The following WDR81 variants were observed in gnomAD, a reference collection of about 807,000 sequenced individuals.
WDR81 encodes the protein WD repeat-containing protein 81.
WDR81 carries 92 observed loss-of-function variants against 140.8 expected under a neutral mutation model. The ratio of observed to expected loss-of-function variants is 0.65; its 90% CI spans 0.55 to 0.78. WDR81 has a LOEUF of 0.78. WDR81 is among the 30% of genes least tolerant of loss of function. The pLI is 0.00. For synonymous variants in WDR81, 1,183 were observed against 1,156.4 expected (o/e 1.02, Z -0.47); for missense variants, 2,502 against 2,636.4 (o/e 0.95, Z 1.12).
At chr17:1,719,025 C>A (rs1233332780) in intron 1 of WDR81, among the ~76,000 whole-genome samples, 1 of 152,154 alleles carries the variant, frequency 6.6e-6, no homozygotes, top group Non-Finnish European at 1.5e-5. Context: ...CCACCCACCC[C>A]CAGCTCCCAG....
chr17:1,717,952 C>T (rs1044163039), intron 1 of WDR81, among the ~76,000 whole-genome samples: 1 of 152,056 alleles, frequency 6.6e-6, no homozygotes, highest in Non-Finnish European at 1.5e-5. Context: ...AGGACCAAGC[C>T]TGGGGAGGAG....
In WDR81 at chr17:1,726,232, G is replaced by A. The variant is rs1321093207; in HGVS notation, c.1273G>A (p.Val425Ile). Residue 425 changes from valine (V) to isoleucine (I), a missense_variant, in exon 1 of 10, where the codon GTA (valine) becomes ATA (isoleucine). By Grantham distance (29) the Val-to-Ile change is conservative. Around this residue, in one of 3 missense-constraint regions of WDR81, gnomAD observed 218 missense variants for 279.6 expected, o/e 0.78. Coordinates refer to ENST00000409644, the MANE Select transcript of WDR81 (RefSeq NM_001163809.2). ...FTYEMTRQAF[V>I]AGGAGGGEPP... ...GTATGAGATGACACGGCAGGCATTC[G>A]TAGCAGGCGGGGCGGGCGGCGGGGA... 5.9e-6 allele frequency: 9 copies of A among 1,537,166 alleles called. No homozygotes were observed. The highest frequency in any genetic ancestry group is 2.0e-5 in the Admixed American group (1 of 50,152).
intron 1 of WDR81, 150 bp from the exon 2 acceptor site, chr17:1,730,230 G>A (rs567143478): frequency 1.6e-5 from 10 of 630,224 alleles, no homozygotes; most frequent in East Asian, 8.5e-5. Context: ...CCGCTGTTAC[G>A]TGGAGGGGGT....
Position 1,728,073 on chromosome 17 carries a change from G to T in WDR81, c.3114G>T (p.Gly1038=). ...AGGAGGAGGAGAGCGGGCTGCCCGG[G>T]GCCGGGCCTGGCTCCTGTGCTTTTG... ...AAEEEESGLP[G]AGPGSCAFGE... The change falls in exon 1 of 10, where the codon GGG becomes GGT. Residue 1038 remains glycine (G), a synonymous_variant. Coordinates refer to ENST00000409644, the MANE Select transcript of WDR81 (RefSeq NM_001163809.2). 1.9e-6 allele frequency: 3 copies of T among 1,586,670 alleles called. No individual in the cohort carries two copies. The highest frequency in any genetic ancestry group is 2.3e-5 in the South Asian group (2 of 88,078).
intron 5 of WDR81, 30 bp from the exon 6 acceptor site, chr17:1,732,636 C>T (rs761380795): frequency 2.4e-5 from 38 of 1,581,354 alleles, no homozygotes; most frequent in Non-Finnish European, 2.9e-5. Flanking sequence ...GCTGTGGACC[C>T]GGCTGACCCC....
In WDR81 at chr17:1,725,267, C is replaced by T. The variant is rs776046419; in HGVS notation, c.308C>T (p.Thr103Met). Residue 103 changes from threonine to methionine, a missense_variant, in exon 1 of 10, where the codon ACG (threonine) becomes ATG (methionine). Physicochemically the swap from Thr to Met is moderately conservative, Grantham distance 81 (BLOSUM62 -1). This residue lies in a region of WDR81 where 547 missense variants were observed against 513.8 expected (regional missense o/e 1.06). Coordinates refer to ENST00000409644, the MANE Select transcript of WDR81 (RefSeq NM_001163809.2). ...RSVQRLPAGW[T>M]RVEVHGLRKR... The stretch of plus-strand genomic sequence containing the variant: ...GTGCAAAGGCTGCCTGCCGGCTGGA[C>T]GCGCGTGGAGGTGCATGGGCTGCGG... 2.6e-6 allele frequency: 4 copies of T among 1,545,078 alleles called. No individual in the cohort carries two copies. Among genetic ancestry groups the T allele is most frequent in the South Asian group, 2.4e-5 (2 of 84,068 alleles).
rs1374705880 is a variant in WDR81 at position 1,726,602 on chromosome 17, C to T, written c.1643C>T (p.Thr548Met). Residue 548 changes from threonine (T) to methionine (M), a missense_variant, in exon 1 of 10, where the codon ACG becomes ATG. Coordinates refer to ENST00000409644, the MANE Select transcript of WDR81 (RefSeq NM_001163809.2). ...GACCTGCACCATTGGATCGACCTCACGTTTGGCTATAAACTCCAGGGTAAG... is the reference window on the plus strand; with the variant it reads ...GACCTGCACCATTGGATCGACCTCATGTTTGGCTATAAACTCCAGGGTAAG... ...SRDLHHWIDL[T>M]FGYKLQGKEA... The T allele has an allele frequency of 3.9e-6, 6 of 1,550,280 alleles. No individual in the cohort carries two copies. Among genetic ancestry groups the T allele is most frequent in the East Asian group, 2.4e-5 (1 of 40,904 alleles).
In WDR81 at chr17:1,733,710, C is replaced by T; in HGVS notation, c.4673C>T (p.Thr1558Ile). The T allele has an allele frequency of 6.2e-7, 1 of 1,612,616 alleles. No individual in the cohort carries two copies. The highest frequency in any genetic ancestry group is 8.5e-7 in the Non-Finnish European group (1 of 1,179,854). The change falls in exon 7 of 10, where the codon ACC (threonine) becomes ATC (isoleucine). Residue 1558 changes from threonine to isoleucine, a missense_variant. By Grantham distance (89) the Thr-to-Ile change is moderately conservative. This residue lies in a region of WDR81 where 1,737 missense variants were observed against 1,843.0 expected (regional missense o/e 0.94). Coordinates refer to ENST00000409644, the MANE Select transcript of WDR81 (RefSeq NM_001163809.2). ...CCTCAGGATGACGGCCACTCAGGGA[C>T]CTTTGGGAGCGTCCTGGTGGGGAAC... ...GCPQDDGHSG[T>I]FGSVLVGNRI...
chr17:1,731,177 CCA>C lies in WDR81; in HGVS notation c.4080_4081del (p.Leu1361HisfsTer10). 6.2e-7 allele frequency: 1 copy of C among 1,613,556 alleles called. No homozygotes were observed. The highest frequency in any genetic ancestry group is 1.1e-5 in the South Asian group (1 of 91,088). Reference sequence around the variant, plus strand: ...AAGATCATCGTGTACCTCTCAGACACCACACTCATGGACATCCTGCCCCGGAT... The same window carrying C: ...AAGATCATCGTGTACCTCTCAGACACCACTCATGGACATCCTGCCCCGGAT... On this transcript the variant is annotated frameshift_variant, in exon 4 of 10. Coordinates refer to ENST00000409644, the MANE Select transcript of WDR81 (RefSeq NM_001163809.2). LOFTEE classifies it high-confidence loss of function.
chr17:1,718,211 G>A (rs1311570856), intron 1 of WDR81, among the ~76,000 whole-genome samples: 3 of 151,820 alleles, frequency 2.0e-5, no homozygotes, highest in Admixed American at 1.3e-4. Context: ...TCCACCTCCC[G>A]GGTTCAAGCG....
intron 1 of WDR81, among the ~76,000 whole-genome samples, chr17:1,718,964 T>C (rs1383430524): frequency 1.3e-5 from 2 of 152,202 alleles, no homozygotes; most frequent in East Asian, 1.9e-4. Flanking sequence ...GGGTGCACAA[T>C]AGGACATCCA....
At chr17:1,720,063 T>C (rs1279172993), upstream of WDR81, among the ~76,000 whole-genome samples, 1 of 152,194 alleles carries the variant, frequency 6.6e-6, no homozygotes, top group Non-Finnish European at 1.5e-5. Flanking sequence ...AGAAAACACC[T>C]AGCGTAGATT....
chr17:1,716,742 A>G, intron 1 of WDR81: 1 of 1,271,166 alleles, frequency 7.9e-7, no homozygotes, highest in Non-Finnish European at 1.1e-6. Flanking sequence ...ACATTCCCCA[A>G]ACTGACTCGC....
Position 1,726,111 on chromosome 17 carries a change from C to G in WDR81, c.1152C>G (p.Pro384=). The G allele has an allele frequency of 1.3e-6, 2 of 1,545,460 alleles. No individual in the cohort carries two copies. Among genetic ancestry groups the G allele is most frequent in the Non-Finnish European group, 1.7e-6 (2 of 1,143,434 alleles). The part of the protein sequence containing the change: ...QGDPNYHPVL[P]WVVDFTTPHG... ...ACCCCAACTACCACCCCGTGCTGCC[C>G]TGGGTGGTGGACTTCACTACGCCCC... Residue 384 remains proline (P), a synonymous_variant, in exon 1 of 10, where the codon CCC becomes CCG. Transcript: ENST00000409644.
Position 1,731,238 on chromosome 17 carries a change from C to G in WDR81, c.4137C>G (p.Phe1379Leu). ...SHEVLLPVLS[F>L]LTSLVTGFPS... ...AGGTCCTGCTGCCCGTGCTCAGCTT[C>G]CTCACCTCCCTCGTCACGGGGTAGG... is the stretch of plus-strand genomic sequence containing the variant. The change falls in exon 4 of 10, where the codon TTC becomes TTG. Residue 1379 changes from phenylalanine to leucine, a missense_variant. Around this residue, in one of 3 missense-constraint regions of WDR81, gnomAD observed 1,737 missense variants for 1,843.0 expected, o/e 0.94. Transcript: ENST00000409644. The G allele has an allele frequency of 6.2e-7, 1 of 1,613,436 alleles. No individual in the cohort carries two copies. The highest frequency in any genetic ancestry group is 8.5e-7 in the Non-Finnish European group (1 of 1,179,946).
Position 1,733,527 on chromosome 17 carries a change from G to A in WDR81, c.4490G>A (p.Gly1497Asp). The A allele has an allele frequency of 6.6e-7, 1 of 1,516,420 alleles. No individual in the cohort carries two copies. The highest frequency in any genetic ancestry group is 8.8e-7 in the Non-Finnish European group (1 of 1,133,628). The allele number at this position is 1,516,420 out of a possible 1,614,324, so 93.9% of individuals were successfully genotyped here. The change falls in exon 7 of 10, where the codon GGT becomes GAT. Residue 1497 changes from glycine to aspartate, a missense_variant and splice_region_variant. Transcript: ENST00000409644. ...TIYVPFSCLL[G>D]DIIRKIIPNH... ...CAGGACCTCTCCCACTCCTATCCAG[G>A]TGACATCATCCGGAAAATCATCCCC...
chr17:1,730,273 G>A, intron 1 of WDR81, 107 bp from the exon 2 acceptor site: 1 of 920,776 alleles, frequency 1.1e-6, no homozygotes, highest in Non-Finnish European at 1.6e-6. Flanking sequence ...CTGGGCTCTT[G>A]GCAGAGCTGC....
chr17:1,725,168 G>A lies in WDR81; in HGVS notation c.209G>A (p.Arg70Gln), dbSNP rs922915789. Reference protein sequence around the residue: ...ARWLASLRDRRLPLGPCPRAE... With the variant: ...ARWLASLRDRQLPLGPCPRAE... The stretch of plus-strand genomic sequence containing the variant: ...TGGCTGGCCAGCCTCCGCGATCGCC[G>A]GCTGCCCCTGGGACCCTGTCCCCGC... Residue 70 changes from arginine to glutamine, a missense_variant, in exon 1 of 10, where the codon CGG (arginine) becomes CAG (glutamine). By Grantham distance (43) the Arg-to-Gln change is conservative. Around this residue, in one of 3 missense-constraint regions of WDR81, gnomAD observed 547 missense variants for 513.8 expected, o/e 1.06. Coordinates refer to ENST00000409644, the MANE Select transcript of WDR81 (RefSeq NM_001163809.2). 49 of 1,534,122 alleles carry A rather than the reference G, an allele frequency of 3.2e-5. No individual in the cohort carries two copies. Among genetic ancestry groups the A allele is most frequent in the Non-Finnish European group, 3.9e-5 (45 of 1,144,784 alleles).
Position 1,725,126 on chromosome 17 carries a change from C to T in WDR81, c.167C>T (p.Ala56Val). 3 of 1,528,658 alleles carry T rather than the reference C, an allele frequency of 2.0e-6. No individual in the cohort carries two copies. Among genetic ancestry groups the T allele is most frequent in the South Asian group, 2.4e-5 (2 of 82,954 alleles). 94.7% of individuals were successfully genotyped at this position (1,528,658 alleles called of 1,614,324 possible). The change falls in exon 1 of 10, where the codon GCC (alanine) becomes GTC (valine). Residue 56 changes from alanine to valine, a missense_variant. Around this residue, in one of 3 missense-constraint regions of WDR81, gnomAD observed 547 missense variants for 513.8 expected, o/e 1.06. Coordinates refer to ENST00000409644, the MANE Select transcript of WDR81 (RefSeq NM_001163809.2). ...GCCCCGGGGGGCACCCACGTGGTGGCCCTAGTGCCTGCGCGCTGGCTGGCC... is the reference window on the plus strand; with the variant it reads ...GCCCCGGGGGGCACCCACGTGGTGGTCCTAGTGCCTGCGCGCTGGCTGGCC... Reference protein sequence around the residue: ...APAPGGTHVVALVPARWLASL... With the variant: ...APAPGGTHVVVLVPARWLASL...
Sources: gnomAD v4.1 joint callset for allele counts (sites outside exome capture counted in the v4.1 genomes callset) on GRCh38, gnomAD v4.1.1 for gene constraint, gnomAD v4.1.1 regional missense constraint, MANE v1.5 for transcripts, NCBI Gene and HGNC (gene_info 2026-07-23, HGNC 2026-07-21) for gene names.